Variants in CACNA1B observed in about 807,000 individuals in gnomAD.
CACNA1B encodes voltage-dependent N-type calcium channel subunit alpha-1B.
Under a neutral mutation model 247.2 loss-of-function variants are expected in CACNA1B, and 70 were observed. The observed-to-expected ratio is 0.28, with a 90% CI of 0.23 to 0.35. The LOEUF (loss-of-function observed/expected upper bound fraction) is 0.35, where lower values mean the gene tolerates loss of function less well. Among genes scored for constraint, CACNA1B ranks in the 10% least tolerant of loss-of-function variants. The pLI is 1.00. For missense variants in CACNA1B, 2,367 were observed against 3,197.4 expected (o/e 0.74, Z 6.26); for synonymous variants, 1,231 against 1,294.4 (o/e 0.95, Z 1.05).
rs750544132 is a variant in CACNA1B, at chr9:138,072,499, T to G, written c.4675-989T>G. On this transcript the variant is annotated intron_variant, in intron 32 of 46. Transcript: ENST00000371372. The surrounding 1 kb of genome is among the most constrained non-coding windows in gnomAD (Gnocchi z 4.5). ...GTTCTCTTTATTTGATGACTGAATC[T>G]GACAACACGAACGTGTCTCTGAGCC... is the stretch of plus-strand genomic sequence containing the variant. 2.5e-4 allele frequency among the ~76,000 whole-genome samples: 38 copies of G among 152,274 alleles called. No homozygotes were observed. Among genetic ancestry groups the G allele is most frequent in the Admixed American group, 2.2e-3 (33 of 15,288 alleles).
chr9:137,958,638 A>G (rs1370122388), intron 10 of CACNA1B, among the ~76,000 whole-genome samples: 1 of 152,042 alleles, frequency 6.6e-6, no homozygotes, highest in Admixed American at 6.5e-5. Flanking sequence ...GTCTTTGTGA[A>G]TGGCTGTCCT....
chr9:137,969,739 G>C (rs573471543), intron 10 of CACNA1B, among the ~76,000 whole-genome samples: 1 of 152,214 alleles, frequency 6.6e-6, no homozygotes, highest in South Asian at 2.1e-4. Flanking sequence ...TGTGAAGCAT[G>C]TGCGTGTGTG....
intron 20 of CACNA1B, among the ~76,000 whole-genome samples, chr9:138,027,251 G>T (rs1018466693): frequency 6.6e-6 from 1 of 151,870 alleles, no homozygotes; most frequent in Non-Finnish European, 1.5e-5. Context: ...TGGTGTTTTC[G>T]ATTGCTAAAA....
chr9:137,921,104 A>T (rs1957472282), intron 6 of CACNA1B, among the ~76,000 whole-genome samples: 1 of 152,214 alleles, frequency 6.6e-6, no homozygotes, highest in Non-Finnish European at 1.5e-5. Flanking sequence ...ATGTGAGAGG[A>T]TGAGATCACC....
At chr9:138,043,930 G>A in intron 21 of CACNA1B, 30 bp downstream of exon 21, 2 of 1,607,464 alleles carry the variant, frequency 1.2e-6, no homozygotes, top group Non-Finnish European at 1.7e-6. Flanking sequence ...GGTGTGTGTG[G>A]CCGCCCACTC....
At position 137,894,302 on chromosome 9, in the gene CACNA1B, A is replaced by ATT. The variant is rs56794355; in HGVS notation, c.530+11440_530+11441dup. Among the ~76,000 whole-genome samples the ATT allele has an allele frequency of 6.4e-3, 611 of 96,020 alleles. 7 individuals are homozygous for ATT. The highest frequency in any genetic ancestry group is 0.014 in the African/African-American group (384 of 28,182). The allele number at this position is 96,020 out of a possible 152,430, so 63.0% of individuals were successfully genotyped here. A position where few individuals can be genotyped will look rare whatever the true frequency, so the allele number is the denominator to read the frequency against. Reference sequence around the variant, plus strand: ...TCGCCGGCACGGGGGTTGTCTCTGTATTTTTTTTTTTTTTTTTTTTTTGAT... The same window carrying ATT: ...TCGCCGGCACGGGGGTTGTCTCTGTATTTTTTTTTTTTTTTTTTTTTTTTGAT... On this transcript the variant is annotated intron_variant, in intron 3 of 46. Transcript: ENST00000371372.
intron 40 of CACNA1B, 31 bp downstream of exon 40, chr9:138,112,536 C>A: frequency 1.4e-6 from 2 of 1,408,726 alleles, no homozygotes; most frequent in Non-Finnish European, 1.0e-6. Context: ...TGCCCCCAGC[C>A]CCCACCTTTA....
chr9:138,004,508 C>T (rs865872602), intron 15 of CACNA1B, among the ~76,000 whole-genome samples: 1 of 149,924 alleles, frequency 6.7e-6, no homozygotes, highest in African/African-American at 2.5e-5. Flanking sequence ...CAAGATCACA[C>T]CACTGCACTC....
chr9:138,005,870 C>T (rs558945553), intron 15 of CACNA1B, among the ~76,000 whole-genome samples: 263 of 152,060 alleles, frequency 1.7e-3, no homozygotes, highest in African/African-American at 6.0e-3. Context: ...GGTGAAACCC[C>T]GTCTCTACTA....
At position 138,054,028 on chromosome 9, in the gene CACNA1B, G is replaced by C; in HGVS notation, c.3968+22G>C. 6.2e-7 allele frequency: 1 copy of C among 1,611,108 alleles called. No homozygotes were observed. Among genetic ancestry groups the C allele is most frequent in the Non-Finnish European group, 8.5e-7 (1 of 1,177,372 alleles). On this transcript the variant is annotated intron_variant, in intron 26 of 46. Transcript: ENST00000371372. The surrounding 1 kb of genome is among the most constrained non-coding windows in gnomAD (Gnocchi z 4.6). Reference sequence around the variant, plus strand: ...GCAGGTAAACTGAGGCAGGGTGCAAGGTGGGACACACAGCCCCATGATGCA... The same window carrying C: ...GCAGGTAAACTGAGGCAGGGTGCAACGTGGGACACACAGCCCCATGATGCA...
rs1199786421 is a variant in CACNA1B, at chr9:137,952,262, C to G, written c.967-12C>G. On this transcript the variant is annotated splice_polypyrimidine_tract_variant and intron_variant, in intron 6 of 46. Transcript: ENST00000371372. This position sits in a 1 kb window ranked among gnomAD's most constrained non-coding sequence, Gnocchi z 4.8. ...TCCCTGTCCTTCCTCATCTCCCTCT[C>G]CTTGCTTCCAGACAAACGATGCGGC... 1.2e-6 allele frequency: 2 copies of G among 1,611,172 alleles called. No individual in the cohort carries two copies. Among genetic ancestry groups the G allele is most frequent in the East Asian group, 2.2e-5 (1 of 44,864 alleles).
intron 16 of CACNA1B, among the ~76,000 whole-genome samples, chr9:138,009,684 G>T (rs1397412076): frequency 6.6e-6 from 1 of 152,242 alleles, no homozygotes; most frequent in Admixed American, 6.5e-5. Flanking sequence ...GATGGCTCCA[G>T]CACAGCCTCT....
chr9:138,101,482 C>T (rs1450167567), intron 37 of CACNA1B, among the ~76,000 whole-genome samples: 2 of 152,260 alleles, frequency 1.3e-5, no homozygotes, highest in Admixed American at 6.5e-5. Context: ...ATCAAGGAAG[C>T]AGCCGACTTG....
intron 3 of CACNA1B, among the ~76,000 whole-genome samples, chr9:137,902,475 C>T (rs554272736): frequency 2.6e-5 from 4 of 152,264 alleles, no homozygotes; most frequent in African/African-American, 4.8e-5. Flanking sequence ...TTGTTAAGTT[C>T]GCATGTGTGT....
intron 15 of CACNA1B, among the ~76,000 whole-genome samples, chr9:138,000,199 C>T (rs7031881): frequency 0.34 from 51,424 of 150,888 alleles, 13,035 homozygotes; most frequent in African/African-American, 0.7. Context: ...CCCGGGTTCA[C>T]GCCATTCTCC....
At position 138,011,370 on chromosome 9, in the gene CACNA1B, C is replaced by T. The variant is rs1248629215; in HGVS notation, c.2160+1293C>T. On this transcript the variant is annotated intron_variant, in intron 17 of 46. Coordinates refer to ENST00000371372, the MANE Select transcript of CACNA1B (RefSeq NM_000718.4). The surrounding 1 kb of genome is among the most constrained non-coding windows in gnomAD (Gnocchi z 4.2). The stretch of plus-strand genomic sequence containing the variant: ...ATACATGTACCCTCATTGGTGGCCC[C>T]CCTTTTGTGTAACTGGCCTCATTTA... Among the ~76,000 whole-genome samples, 1 of 152,180 alleles carries T rather than the reference C, an allele frequency of 6.6e-6. No homozygotes were observed.
chr9:138,004,775 ACAACT>A (rs915820299), intron 15 of CACNA1B, among the ~76,000 whole-genome samples: 1 of 152,100 alleles, frequency 6.6e-6, no homozygotes, highest in African/African-American at 2.4e-5. Context: ...AGGAACTCAA[ACAACT>A]CAACAGCAAA....
chr9:138,048,052 G>A (rs976959126), intron 23 of CACNA1B, among the ~76,000 whole-genome samples: 1 of 152,214 alleles, frequency 6.6e-6, no homozygotes, highest in African/African-American at 2.4e-5. Context: ...CTTCCGTGCA[G>A]CTTAGGGTAT....
chr9:138,069,811 G>C, intron 32 of CACNA1B, 48 bp downstream of exon 32: 2 of 1,570,132 alleles, frequency 1.3e-6, no homozygotes, highest in African/African-American at 1.3e-5. Flanking sequence ...TGCTTTGCTC[G>C]CTCTGCTCCT....
Sources: gnomAD v4.1 joint callset for allele counts (sites outside exome capture counted in the v4.1 genomes callset) on GRCh38, gnomAD v4.1.1 for gene constraint, Gnocchi (gnomAD v3.1) non-coding constraint, MANE v1.5 for transcripts, NCBI Gene and HGNC (gene_info 2026-07-23, HGNC 2026-07-21) for gene names.